EVC: variants seen among roughly 807,000 people sequenced by gnomAD.
EVC encodes EvC ciliary complex subunit 1.
A neutral mutation model predicts 118.9 loss-of-function variants in EVC; 116 were observed. The observed-to-expected ratio is 0.98, with a 90% CI of 0.84 to 1.14. The LOEUF (loss-of-function observed/expected upper bound fraction) is 1.14. Among genes scored for constraint, EVC ranks in the 50% most tolerant of loss-of-function variants. The pLI is 0.00. For synonymous variants in EVC, 619 were observed against 534.7 expected, an observed-to-expected ratio of 1.16 and a Z score of -2.18; for missense variants, 1,401 against 1,246.4, an observed-to-expected ratio of 1.12 and a Z score of -1.87.
intron 12 of EVC, among the ~76,000 whole-genome samples, chr4:5,786,797 G>A (rs1027239521): frequency 6.6e-5 from 10 of 151,760 alleles, no homozygotes; most frequent in Admixed American, 3.9e-4. Context: ...GCGTGAACCC[G>A]GGAGGCAGAG....
At position 5,813,402 on chromosome 4, in the gene EVC, G is replaced by T. The variant is rs1282523517; in HGVS notation, c.*2365G>T. ...TGTATTTTATTTTAGTAGAGACGGG[G>T]TTTCACCATACTGGCCAGGCTGCTC... On this transcript the variant is annotated 3_prime_UTR_variant, in exon 21 of 21. Coordinates refer to ENST00000264956, the MANE Select transcript of EVC (RefSeq NM_153717.3). The T allele has an allele frequency of 6.6e-6, 1 of 152,118 alleles. No individual in the cohort carries two copies. Among genetic ancestry groups the T allele is most frequent in the African/African-American group, 2.4e-5 (1 of 41,422 alleles). 9.4% of individuals were successfully genotyped at this position (152,118 alleles called of 1,614,324 possible).
rs990201631 is a variant in EVC at position 5,754,070 on chromosome 4, G to C, written c.1464+137G>C. 8.8e-7 allele frequency: 1 copy of C among 1,140,480 alleles called. No homozygotes were observed. Among genetic ancestry groups the C allele is most frequent in the East Asian group, 2.5e-5 (1 of 39,774 alleles). 70.6% of individuals were successfully genotyped at this position (1,140,480 alleles called of 1,614,324 possible). On this transcript the variant is annotated intron_variant, in intron 10 of 20. Coordinates refer to ENST00000264956, the MANE Select transcript of EVC (RefSeq NM_153717.3). This position sits in a 1 kb window ranked among gnomAD's most constrained non-coding sequence, Gnocchi z 5.8. The stretch of plus-strand genomic sequence containing the variant: ...CTTCCCATGTGTCAGCCGAGTGACC[G>C]AATCTCAGTCCCTTAGCCCCTACAT...
chr4:5,817,957 T>C (rs1276887566), downstream of EVC, among the ~76,000 whole-genome samples: 1 of 152,194 alleles, frequency 6.6e-6, no homozygotes, highest in Non-Finnish European at 1.5e-5. Flanking sequence ...AGAGTCAATA[T>C]GCAATCTGGA....
Position 5,731,572 on chromosome 4 carries a change from G to C in EVC, c.532G>C (p.Val178Leu). 6.2e-7 allele frequency: 1 copy of C among 1,614,100 alleles called. No individual in the cohort carries two copies. Among genetic ancestry groups the C allele is most frequent in the Non-Finnish European group, 8.5e-7 (1 of 1,180,020 alleles). Residue 178 changes from valine to leucine, a missense_variant, in exon 4 of 21, where the codon GTC becomes CTC. Physicochemically the swap from Val to Leu is conservative, Grantham distance 32. Transcript: ENST00000264956. This position sits in a 1 kb window ranked among gnomAD's most constrained non-coding sequence, Gnocchi z 5.6. ...EKDDCSSSSSVHSATSDDRFL... is the reference protein window; with the variant it reads ...EKDDCSSSSSLHSATSDDRFL... Reference sequence around the variant, plus strand: ...GGACGACTGCAGCTCCTCATCCAGCGTCCACTCGGCCACCAGCGATGACAG... The same window carrying C: ...GGACGACTGCAGCTCCTCATCCAGCCTCCACTCGGCCACCAGCGATGACAG...
At chr4:5,773,832 G>A (rs1188305657) in intron 11 of EVC, among the ~76,000 whole-genome samples, 1 of 152,064 alleles carries the variant, frequency 6.6e-6, no homozygotes, top group Non-Finnish European at 1.5e-5. Context: ...ACTTGTCAGG[G>A]GAACTGGAGC....
At chr4:5,819,186 C>G (rs1271618777), downstream of EVC, among the ~76,000 whole-genome samples, 1 of 152,142 alleles carries the variant, frequency 6.6e-6, no homozygotes, top group Non-Finnish European at 1.5e-5. Context: ...GATAAAACTT[C>G]TAGAAAAAAC....
At position 5,731,499 on chromosome 4, in the gene EVC, A is replaced by G. The variant is rs1726810074; in HGVS notation, c.459A>G (p.Val153=). ...AGGCTGTTTTGCCACACCAGCCGGT[A>G]GAGGCCTCTCCTTCCAGCAGTCTGG... ...LKQAVLPHQP[V]EASPSSSLGS... is the part of the protein sequence containing the mutation. The change falls in exon 4 of 21, where the codon GTA becomes GTG. Residue 153 remains valine, a synonymous_variant. Transcript: ENST00000264956. This position sits in a 1 kb window ranked among gnomAD's most constrained non-coding sequence, Gnocchi z 5.6. 1.2e-6 allele frequency: 2 copies of G among 1,614,020 alleles called. No individual in the cohort carries two copies.
At chr4:5,810,918 C>A in intron 20 of EVC, 35 bp from the exon 21 acceptor site, 1 of 1,576,470 alleles carries the variant, frequency 6.3e-7, no homozygotes, top group Non-Finnish European at 8.7e-7. Flanking sequence ...ATGGAGTCAG[C>A]GTTCTAACTG....
chr4:5,829,031 T>A, the EVC span, among the ~76,000 whole-genome samples: 8 of 150,134 alleles, frequency 5.3e-5, no homozygotes, highest in Non-Finnish European at 8.9e-5. Flanking sequence ...TAAATAAAAT[T>A]TTTTTCTCTA....
intron 5 of EVC, among the ~76,000 whole-genome samples, chr4:5,741,180 G>A (rs936202069): frequency 1.3e-5 from 2 of 152,194 alleles, no homozygotes; most frequent in African/African-American, 2.4e-5. Flanking sequence ...AAATAATCCA[G>A]ATGTCTTACA....
chr4:5,776,388 C>G (rs989580643), intron 11 of EVC, among the ~76,000 whole-genome samples: 1 of 152,096 alleles, frequency 6.6e-6, no homozygotes, highest in African/African-American at 2.4e-5. Flanking sequence ...TTTATTCATT[C>G]ATTCACTCAT....
At chr4:5,774,391 C>T (rs1734423233) in intron 11 of EVC, among the ~76,000 whole-genome samples, 1 of 152,044 alleles carries the variant, frequency 6.6e-6, no homozygotes, top group African/African-American at 2.4e-5. Context: ...TCTAATGATA[C>T]TAGCTAGCAT....
chr4:5,739,924 G>A (rs896152873), intron 5 of EVC, among the ~76,000 whole-genome samples: 2 of 146,680 alleles, frequency 1.4e-5, no homozygotes, highest in Non-Finnish European at 3.0e-5. Context: ...AAGCCTTACC[G>A]GTTCACCAAA....
intron 11 of EVC, chr4:5,758,377 G>GC (rs1161259200): frequency 1.3e-5 from 6 of 473,642 alleles, no homozygotes; most frequent in African/African-American, 1.2e-4. Context: ...TTTGTTCAGG[G>GC]CTAGCTCCTA....
At chr4:5,728,185 C>T (rs374679053) in intron 2 of EVC, among the ~76,000 whole-genome samples, 13 of 152,276 alleles carry the variant, frequency 8.5e-5, no homozygotes, top group Admixed American at 4.6e-4. Context: ...TTTCACGATA[C>T]TGATTCTTGC....
chr4:5,794,307 T>TTATATATTTA (rs925502507), intron 13 of EVC, among the ~76,000 whole-genome samples: 7,262 of 119,160 alleles, frequency 0.061, 447 homozygotes, highest in African/African-American at 0.15. Context: ...ATTTATATTT[T>TTATATATTTA]TATATATTTA....
chr4:5,798,782 A>G lies in EVC; in HGVS notation c.2294A>G (p.Asp765Gly), dbSNP rs1408380648. Reference sequence around the variant, plus strand: ...ACCAAGAGCCGGGCCAAGGACAGGGATGACTTCAAGGTATGCACTGACCTC... The same window carrying G: ...ACCAAGAGCCGGGCCAAGGACAGGGGTGACTTCAAGGTATGCACTGACCTC... ...AATKSRAKDR[D>G]DFKRTLMEAA... is the part of the protein sequence containing the mutation. The change falls in exon 15 of 21, where the codon GAT (aspartate) becomes GGT (glycine). Residue 765 changes from aspartate to glycine, a missense_variant. Physicochemically the swap from Asp to Gly is moderately conservative, Grantham distance 94. Coordinates refer to ENST00000264956, the MANE Select transcript of EVC (RefSeq NM_153717.3). The surrounding 1 kb of genome is among the most constrained non-coding windows in gnomAD (Gnocchi z 4.1). The G allele has an allele frequency of 6.2e-7, 1 of 1,610,718 alleles. No homozygotes were observed. The highest frequency in any genetic ancestry group is 8.5e-7 in the Non-Finnish European group (1 of 1,179,898).
Position 5,811,407 on chromosome 4 carries a change from C to T in EVC, c.*370C>T, listed in dbSNP as rs1356294566. ...GGCCCAAAGGCCTGTCTGGGCCCAT[C>T]TGGGGCTGAGGACACACAGATACAT... On this transcript the variant is annotated 3_prime_UTR_variant, in exon 21 of 21. Transcript: ENST00000264956. The T allele has an allele frequency of 3.1e-6, 1 of 321,998 alleles. No homozygotes were observed. Among genetic ancestry groups the T allele is most frequent in the Non-Finnish European group, 5.9e-6 (1 of 168,470 alleles). 19.9% of individuals were successfully genotyped at this position (321,998 alleles called of 1,614,324 possible). A position where few individuals can be genotyped will look rare whatever the true frequency, so the allele number is the denominator to read the frequency against.
At chr4:5,806,653 G>A (rs1187127546) in intron 17 of EVC, among the ~76,000 whole-genome samples, 3 of 152,130 alleles carry the variant, frequency 2.0e-5, no homozygotes, top group Non-Finnish European at 2.9e-5. Flanking sequence ...ATGAACACAC[G>A]AGAGCAGGTA....
Sources: allele counts gnomAD v4.1 joint callset (sites outside exome capture counted in the v4.1 genomes callset), GRCh38; gene constraint gnomAD v4.1.1; non-coding constraint Gnocchi (gnomAD v3.1); transcripts MANE v1.5; gene names NCBI Gene and HGNC (gene_info 2026-07-23, HGNC 2026-07-21).